Variants in SPAG16 observed in about 807,000 individuals in gnomAD.
SPAG16 encodes the protein sperm associated antigen 16.
Under a neutral mutation model 80.4 loss-of-function variants are expected in SPAG16, and 86 were observed. The observed-to-expected ratio is 1.07, with a 90% CI of 0.90 to 1.28. SPAG16 has a LOEUF of 1.28. Among genes scored for constraint, SPAG16 ranks in the 50% most tolerant of loss-of-function variants. SPAG16 has a pLI of 0.00. For synonymous variants in SPAG16, 294 were observed against 265.9 expected (o/e 1.11, Z -1.03); for missense variants, 870 against 765.3 (o/e 1.14, Z -1.61).
intron 9 of SPAG16, among the ~76,000 whole-genome samples, chr2:213,419,622 T>A (rs551400815): frequency 1.6e-4 from 24 of 152,290 alleles, no homozygotes; most frequent in Non-Finnish European, 2.9e-4. Flanking sequence ...TTTAAAAAAT[T>A]AAGATTGTTT....
chr2:213,350,076 A>G (rs916733974), intron 6 of SPAG16, among the ~76,000 whole-genome samples: 1 of 152,216 alleles, frequency 6.6e-6, no homozygotes, highest in African/African-American at 2.4e-5. Flanking sequence ...TTTATACTTA[A>G]TTTTTAAAAT....
intron 14 of SPAG16, among the ~76,000 whole-genome samples, chr2:214,137,581 A>G (rs113639658): frequency 8.5e-4 from 129 of 152,168 alleles, no homozygotes; most frequent in Non-Finnish European, 1.6e-3. Context: ...ATATTTTTAA[A>G]CTTTTGTGAT....
intron 7 of SPAG16, among the ~76,000 whole-genome samples, chr2:213,359,795 C>T (rs1030058780): frequency 6.6e-6 from 1 of 152,184 alleles, no homozygotes; most frequent in Non-Finnish European, 1.5e-5. Context: ...TGTCCAACCA[C>T]TCCCAATGGG....
intron 12 of SPAG16, 67 bp from the exon 13 acceptor site, chr2:214,013,884 T>G: frequency 6.9e-7 from 1 of 1,458,722 alleles, no homozygotes; most frequent in Non-Finnish European, 9.2e-7. Context: ...CCTTAAATTA[T>G]TTTTATTAGC....
In SPAG16 at chr2:213,404,652, A is replaced by G. The variant is rs375234162; in HGVS notation, c.942+29533A>G. 4.3e-4 allele frequency among the ~76,000 whole-genome samples: 65 copies of G among 152,162 alleles called. No homozygotes were observed. The East Asian group carries it at 5.4e-3, about 13-fold the overall frequency. On this transcript the variant is annotated intron_variant, in intron 9 of 15. Coordinates refer to ENST00000331683, the MANE Select transcript of SPAG16 (RefSeq NM_024532.5). Reference sequence around the variant, plus strand: ...CCATTCAGGACATAGGCATGGGCAAAGACTTCATGTCTAAAACACCAAAAG... The same window carrying G: ...CCATTCAGGACATAGGCATGGGCAAGGACTTCATGTCTAAAACACCAAAAG...
chr2:213,582,331 AGC>A (rs2060324942), intron 10 of SPAG16, among the ~76,000 whole-genome samples: 1 of 152,132 alleles, frequency 6.6e-6, no homozygotes, highest in Non-Finnish European at 1.5e-5. Context: ...AGTTTTTAAC[AGC>A]CAGGTGTGGT....
At chr2:214,082,210 G>T (rs999639652) in intron 13 of SPAG16, among the ~76,000 whole-genome samples, 2 of 151,974 alleles carry the variant, frequency 1.3e-5, no homozygotes, top group African/African-American at 4.8e-5. Flanking sequence ...AATTTACCCA[G>T]TTCTTCTCTG....
intron 10 of SPAG16, among the ~76,000 whole-genome samples, chr2:213,732,872 T>C (rs1232700013): frequency 2.0e-5 from 3 of 152,220 alleles, no homozygotes; most frequent in Non-Finnish European, 4.4e-5. Context: ...GGATTATTTC[T>C]ATTTTTGTGT....
At chr2:214,359,732 A>G (rs1452929018) in intron 15 of SPAG16, among the ~76,000 whole-genome samples, 3 of 151,908 alleles carry the variant, frequency 2.0e-5, no homozygotes, top group Non-Finnish European at 4.4e-5. Flanking sequence ...AATGCCCTAT[A>G]TATCAGTAAA....
chr2:213,949,178 T>TTTTTTTTTTTTTTTGTTTTTTTGTTTTG (rs2079607899), intron 12 of SPAG16, among the ~76,000 whole-genome samples: 1 of 19,152 alleles, frequency 5.2e-5, no homozygotes, highest in Admixed American at 1.1e-3. Flanking sequence ...AGTTTTTTTT[T>TTTTTTTTTTTTTTTGTTTTTTTGTTTTG]TTTTTTTTTT....
intron 10 of SPAG16, among the ~76,000 whole-genome samples, chr2:213,612,199 G>A (rs978512337): frequency 6.6e-6 from 1 of 152,100 alleles, no homozygotes; most frequent in Admixed American, 6.5e-5. Flanking sequence ...TTTAGATATG[G>A]ATATTTATGT....
At chr2:214,119,827 A>AT (rs1362891139) in intron 14 of SPAG16, among the ~76,000 whole-genome samples, 1 of 151,846 alleles carries the variant, frequency 6.6e-6, no homozygotes, top group Non-Finnish European at 1.5e-5. Context: ...TGGTCTTTGT[A>AT]TATCTGGAAA....
intron 6 of SPAG16, among the ~76,000 whole-genome samples, chr2:213,348,774 T>A (rs1309266151): frequency 6.6e-6 from 1 of 152,226 alleles, no homozygotes; most frequent in African/African-American, 2.4e-5. Context: ...CTTCCCTTTG[T>A]GACTAACCCG....
chr2:213,707,557 G>T (rs2125348269), intron 10 of SPAG16, among the ~76,000 whole-genome samples: 1 of 151,924 alleles, frequency 6.6e-6, no homozygotes, highest in African/African-American at 2.4e-5. Context: ...TTTTTTCATT[G>T]TGTACCCTAG....
chr2:213,787,718 C>T (rs1018492473), intron 10 of SPAG16, among the ~76,000 whole-genome samples: 2 of 151,846 alleles, frequency 1.3e-5, no homozygotes, highest in African/African-American at 4.8e-5. Flanking sequence ...TTTACAGTAA[C>T]CTCATGATAG....
At chr2:213,812,804 C>G (rs955862194) in intron 10 of SPAG16, among the ~76,000 whole-genome samples, 4 of 151,574 alleles carry the variant, frequency 2.6e-5, no homozygotes, top group Non-Finnish European at 4.4e-5. Context: ...GAAACTGGGA[C>G]GAGTACTTAA....
rs1553657365 is a variant in SPAG16, at chr2:213,896,593, C to CTATATATATATATATATATAT, written c.1215-33367_1215-33366insTATATATATATATATATATAT. Among the ~76,000 whole-genome samples the CTATATATATATATATATATAT allele has an allele frequency of 2.3e-3, 275 of 119,460 alleles. 6 individuals are homozygous for CTATATATATATATATATATAT. The highest frequency in any genetic ancestry group is 0.01 in the Middle Eastern group (2 of 198). 78.4% of individuals were successfully genotyped at this position (119,460 alleles called of 152,430 possible). ...AATGTGATATATACACACACACACGCACACACACACACACACACACACATA... is the reference window on the plus strand; with the variant it reads ...AATGTGATATATACACACACACACGCTATATATATATATATATATATACACACACACACACACACACACATA... On this transcript the variant is annotated intron_variant, in intron 11 of 15. Coordinates refer to ENST00000331683, the MANE Select transcript of SPAG16 (RefSeq NM_024532.5).
intron 10 of SPAG16, among the ~76,000 whole-genome samples, chr2:213,774,779 G>A (rs557497585): frequency 6.6e-5 from 10 of 152,280 alleles, no homozygotes; most frequent in Middle Eastern, 3.4e-3. Context: ...CAGTAGTGTG[G>A]CAGGCTGACT....
At chr2:213,845,741 C>T (rs2074590990) in intron 10 of SPAG16, among the ~76,000 whole-genome samples, 1 of 152,316 alleles carries the variant, frequency 6.6e-6, no homozygotes, top group African/African-American at 2.4e-5. Flanking sequence ...GAAGCTCAGG[C>T]ATCTGATACA....
Sources: gnomAD v4.1 joint callset for allele counts (sites outside exome capture counted in the v4.1 genomes callset) on GRCh38, gnomAD v4.1.1 for gene constraint, MANE v1.5 for transcripts, NCBI Gene and HGNC (gene_info 2026-07-23, HGNC 2026-07-21) for gene names.